TMEM26: variants seen among roughly 807,000 people sequenced by gnomAD.
TMEM26 encodes transmembrane protein 26.
In TMEM26, 38 loss-of-function variants were observed where a neutral mutation model predicts 28.8. The observed-to-expected ratio is 1.32, with a 90% CI of 1.02 to 1.73. TMEM26 has a LOEUF of 1.73. Among genes scored for constraint, TMEM26 ranks in the 40% most tolerant of loss-of-function variants. The pLI, the probability that TMEM26 is intolerant of heterozygous loss-of-function variation, is 0.00. For synonymous variants in TMEM26, 227 were observed against 182.9 expected (o/e 1.24, Z -1.95); for missense variants, 518 against 447.1 (o/e 1.16, Z -1.43).
At chr10:61,432,913 C>G (rs997928297) in intron 2 of TMEM26, among the ~76,000 whole-genome samples, 5 of 151,954 alleles carry the variant, frequency 3.3e-5, no homozygotes, top group African/African-American at 1.2e-4. Context: ...AGCTAAGCCT[C>G]CAAGAAAAGA....
intron 1 of TMEM26, among the ~76,000 whole-genome samples, chr10:61,438,388 C>T (rs368634527): frequency 1.9e-4 from 29 of 152,070 alleles, no homozygotes; most frequent in East Asian, 7.7e-4. Flanking sequence ...AAAGTGAATT[C>T]TAGGTAAGAG....
chr10:61,418,704 A>C (rs1031414916), intron 4 of TMEM26, among the ~76,000 whole-genome samples: 1 of 152,142 alleles, frequency 6.6e-6, no homozygotes, highest in South Asian at 2.1e-4. Flanking sequence ...AAAAATCTGT[A>C]GCTTGCTACT....
intron 4 of TMEM26, among the ~76,000 whole-genome samples, chr10:61,421,743 GT>G (rs954081620): frequency 1.3e-5 from 2 of 152,120 alleles, no homozygotes; most frequent in African/African-American, 4.8e-5. Context: ...CAGCATCTTG[GT>G]TTTGGATTCC....
At chr10:61,416,076 C>T (rs781063395) in intron 4 of TMEM26, 2 of 449,018 alleles carry the variant, frequency 4.5e-6, no homozygotes, top group Non-Finnish European at 8.9e-6. Flanking sequence ...AACAAGTTGC[C>T]ACTTGGGGTT....
chr10:61,430,447 T>A (rs768244550), intron 3 of TMEM26, among the ~76,000 whole-genome samples: 18 of 151,558 alleles, frequency 1.2e-4, no homozygotes, highest in Admixed American at 2.6e-4. Flanking sequence ...TATGGTGGAG[T>A]TCCTAGATAA....
At chr10:61,433,844 T>C (rs772096125) in intron 2 of TMEM26, among the ~76,000 whole-genome samples, 3 of 152,190 alleles carry the variant, frequency 2.0e-5, no homozygotes, top group Non-Finnish European at 4.4e-5. Flanking sequence ...TTTAATGGAC[T>C]AGACATCCAT....
rs1440571840 is a variant in TMEM26 at position 61,406,703 on chromosome 10, T to C, written c.*3619A>G. Reference sequence around the variant, plus strand: ...AATACAAAGGCCACTCATAGCAAAATAGTATAAATATAAATACTGCAGAGA... The same window carrying C: ...AATACAAAGGCCACTCATAGCAAAACAGTATAAATATAAATACTGCAGAGA... On this transcript the variant is annotated 3_prime_UTR_variant, in exon 6 of 6. Coordinates refer to ENST00000399298, the MANE Select transcript of TMEM26 (RefSeq NM_178505.8). 1 of 152,046 alleles carries C rather than the reference T, an allele frequency of 6.6e-6. No homozygotes were observed. The highest frequency in any genetic ancestry group is 1.5e-5 in the Non-Finnish European group (1 of 67,974). The allele number at this position is 152,046 out of a possible 1,614,324, so 9.4% of individuals were successfully genotyped here.
chr10:61,442,569 C>T (rs1453023743), intron 1 of TMEM26, among the ~76,000 whole-genome samples: 1 of 152,084 alleles, frequency 6.6e-6, no homozygotes, highest in Non-Finnish European at 1.5e-5. Flanking sequence ...AATATTTTCT[C>T]CTCTACAAAA....
At chr10:61,422,991 G>T (rs951439418) in intron 4 of TMEM26, among the ~76,000 whole-genome samples, 1 of 151,934 alleles carries the variant, frequency 6.6e-6, no homozygotes, top group African/African-American at 2.4e-5. Context: ...GGCAGAAATT[G>T]CTAAACTCAA....
chr10:61,414,292 T>C (rs1839615772), intron 4 of TMEM26: 1 of 153,328 alleles, frequency 6.5e-6, no homozygotes, highest in African/African-American at 2.4e-5. Flanking sequence ...TTAAACAGGG[T>C]CACATTTATT....
At chr10:61,414,786 A>G (rs755766426) in intron 4 of TMEM26, 12 of 174,808 alleles carry the variant, frequency 6.9e-5, no homozygotes, top group Non-Finnish European at 1.2e-4. Context: ...ACTCAATTAA[A>G]CTTAGTTCCT....
rs1839603412 is a variant in TMEM26 at position 61,413,555 on chromosome 10, T to C, written c.606-20A>G. ...CTATTCCTAGAATACAGACAAAATGTTAAATTTGTAATAAAAAGTATGATC... is the reference window on the plus strand; with the variant it reads ...CTATTCCTAGAATACAGACAAAATGCTAAATTTGTAATAAAAAGTATGATC... On this transcript the variant is annotated intron_variant, in intron 4 of 5. Transcript: ENST00000399298. 1 of 1,580,422 alleles carries C rather than the reference T, an allele frequency of 6.3e-7. No homozygotes were observed. Among genetic ancestry groups the C allele is most frequent in the Non-Finnish European group, 8.6e-7 (1 of 1,166,568 alleles).
chr10:61,410,913 G>A (rs1306311727), intron 5 of TMEM26, among the ~76,000 whole-genome samples, 167 bp from the exon 6 acceptor site: 2 of 152,132 alleles, frequency 1.3e-5, no homozygotes, highest in East Asian at 3.9e-4. Context: ...AATTCAGGGT[G>A]GAACAAGTGA....
chr10:61,439,265 A>G (rs1440079361), intron 1 of TMEM26, among the ~76,000 whole-genome samples: 1 of 152,200 alleles, frequency 6.6e-6, no homozygotes, highest in Non-Finnish European at 1.5e-5. Context: ...TGTGTGTATA[A>G]GACTTCGCTT....
intron 1 of TMEM26, among the ~76,000 whole-genome samples, chr10:61,440,723 A>G (rs935287910): frequency 1.3e-5 from 2 of 152,288 alleles, no homozygotes; most frequent in African/African-American, 4.8e-5. Context: ...ATTTATAATT[A>G]CATATGTGCA....
At chr10:61,432,636 T>C (rs1178715976) in intron 2 of TMEM26, among the ~76,000 whole-genome samples, 1 of 148,000 alleles carries the variant, frequency 6.8e-6, no homozygotes, top group African/African-American at 2.6e-5. Context: ...ACATTTGTAT[T>C]TAGAGAGGAC....
chr10:61,441,462 A>G (rs1840091949), intron 1 of TMEM26, among the ~76,000 whole-genome samples: 1 of 152,206 alleles, frequency 6.6e-6, no homozygotes, highest in Non-Finnish European at 1.5e-5. Context: ...TGTCTGTGCA[A>G]TTCATTTTTA....
Position 61,410,553 on chromosome 10 carries a change from C to T in TMEM26, c.876G>A (p.Lys292=), listed in dbSNP as rs1589022806. The T allele has an allele frequency of 6.2e-7, 1 of 1,614,126 alleles. No homozygotes were observed. Among genetic ancestry groups the T allele is most frequent in the South Asian group, 1.1e-5 (1 of 91,080 alleles). The part of the protein sequence containing the change: ...INQMLVFFAA[K]NFLVVVLQLY... ...GTTGCAACACCACCACGAGGAAGTT[C>T]TTCGCGGCAAAGAACACCAGCATCT... The change falls in exon 6 of 6, where the codon AAG becomes AAA. Residue 292 remains lysine, a synonymous_variant. Coordinates refer to ENST00000399298, the MANE Select transcript of TMEM26 (RefSeq NM_178505.8).
intron 1 of TMEM26, among the ~76,000 whole-genome samples, chr10:61,447,249 C>G (rs1245776115): frequency 1.3e-5 from 2 of 152,214 alleles, no homozygotes. Flanking sequence ...CAAACCTTCT[C>G]TCTGGCATTT....
Sources: gnomAD v4.1 joint callset for allele counts (sites outside exome capture counted in the v4.1 genomes callset) on GRCh38, gnomAD v4.1.1 for gene constraint, MANE v1.5 for transcripts, NCBI Gene and HGNC (gene_info 2026-07-23, HGNC 2026-07-21) for gene names.